The following ASTN1 variants were observed in gnomAD, a reference collection of about 807,000 sequenced individuals.
The protein encoded by ASTN1 is astrotactin 1.
ASTN1 carries 41 observed loss-of-function variants against 140.7 expected under a neutral mutation model. That is an observed-to-expected ratio of 0.29 (90% confidence interval 0.23 to 0.38). The LOEUF (loss-of-function observed/expected upper bound fraction) is 0.38, where lower values mean the gene tolerates loss of function less well. ASTN1 is among the 10% of genes least tolerant of loss of function. The probability of loss-of-function intolerance (pLI) is 1.00; values close to 1 mark genes in which losing one functional copy is unlikely to be tolerated. For synonymous variants in ASTN1, 640 were observed against 652.2 expected (o/e 0.98, Z 0.29); for missense variants, 1,479 against 1,678.8 (o/e 0.88, Z 2.08).
At chr1:176,967,351 A>C (rs536564969) in intron 8 of ASTN1, among the ~76,000 whole-genome samples, 12 of 152,320 alleles carry the variant, frequency 7.9e-5, no homozygotes, top group South Asian at 2.1e-4. Context: ...ACAGCTAAAA[A>C]TATCTGTTAA....
At chr1:177,116,404 C>G (rs1681094195) in intron 1 of ASTN1, among the ~76,000 whole-genome samples, 1 of 152,110 alleles carries the variant, frequency 6.6e-6, no homozygotes, top group South Asian at 2.1e-4. Context: ...AATCGAAATA[C>G]TTTTTCTATA....
chr1:177,075,440 A>T (rs1678846631), intron 1 of ASTN1, among the ~76,000 whole-genome samples: 1 of 137,784 alleles, frequency 7.3e-6, no homozygotes. Context: ...AAAAAAAAAA[A>T]TACTAAGTAG....
At chr1:177,057,625 A>G (rs1185383719) in intron 2 of ASTN1, among the ~76,000 whole-genome samples, 1 of 152,204 alleles carries the variant, frequency 6.6e-6, no homozygotes, top group African/African-American at 2.4e-5. Context: ...GGTTGGATGT[A>G]TTCATGTTTC....
At chr1:177,049,812 A>T (rs1309401432) in intron 2 of ASTN1, among the ~76,000 whole-genome samples, 2 of 152,142 alleles carry the variant, frequency 1.3e-5, no homozygotes, top group African/African-American at 4.8e-5. Flanking sequence ...TCCGAACCCA[A>T]GGTGGAGTCC....
chr1:177,096,786 T>G (rs1680046312), intron 1 of ASTN1, among the ~76,000 whole-genome samples: 1 of 152,196 alleles, frequency 6.6e-6, no homozygotes, highest in Non-Finnish European at 1.5e-5. Context: ...CTTGTGGAAC[T>G]GTAAGTCCAT....
At chr1:177,138,322 G>A (rs974643749) in intron 1 of ASTN1, among the ~76,000 whole-genome samples, 1 of 152,144 alleles carries the variant, frequency 6.6e-6, no homozygotes, top group Non-Finnish European at 1.5e-5. Flanking sequence ...GACATAAAAG[G>A]CCTACAATAT....
intron 8 of ASTN1, among the ~76,000 whole-genome samples, chr1:176,970,738 G>GTA (rs1361422825): frequency 1.3e-5 from 2 of 149,684 alleles, no homozygotes; most frequent in Non-Finnish European, 3.0e-5. Flanking sequence ...ATGGGTGTGT[G>GTA]TGTGTGTGTG....
rs150630695 is a variant in ASTN1 at position 176,977,608 on chromosome 1, A to G, written c.1524-12371T>C. ...TTTGATGATTGAACAAGTAAAAGCT[A>G]TTACTTTTTATGCATTTATACTAGT... On this transcript the variant is annotated intron_variant, in intron 8 of 22. Transcript: ENST00000361833. Among the ~76,000 whole-genome samples, 33 of 152,358 alleles carry G rather than the reference A, an allele frequency of 2.2e-4. No homozygotes were observed. The East Asian group carries it at 5.8e-3, about 27-fold the overall frequency.
intron 14 of ASTN1, among the ~76,000 whole-genome samples, chr1:176,939,256 G>A (rs1202226294): frequency 2.6e-5 from 4 of 152,042 alleles, no homozygotes; most frequent in Non-Finnish European, 4.4e-5. Context: ...TTCTTAATTG[G>A]TGCTTTTGTT....
At chr1:176,876,490 A>G (rs1046782384) in intron 21 of ASTN1, 47 bp downstream of exon 21, 15 of 1,590,554 alleles carry the variant, frequency 9.4e-6, no homozygotes, top group African/African-American at 1.3e-5. Flanking sequence ...AGTGGTGGGT[A>G]CCTGGGGCAT....
At chr1:176,950,730 G>A (rs963712631) in intron 11 of ASTN1, among the ~76,000 whole-genome samples, 1 of 152,060 alleles carries the variant, frequency 6.6e-6, no homozygotes, top group Non-Finnish European at 1.5e-5. Context: ...GAGTCGGGCA[G>A]AACTGGGGGT....
chr1:176,950,004 C>A (rs1173718078), intron 11 of ASTN1, among the ~76,000 whole-genome samples: 1 of 152,204 alleles, frequency 6.6e-6, no homozygotes, highest in Admixed American at 6.5e-5. Context: ...ACAGGTGCTG[C>A]ACTTGGATTT....
chr1:177,030,978 A>T, intron 3 of ASTN1, 26 bp from the exon 4 acceptor site: 2 of 1,600,004 alleles, frequency 1.3e-6, no homozygotes, highest in South Asian at 2.2e-5. Context: ...ACGAGGCAAA[A>T]ACTTTAAGAG....
chr1:176,931,633 C>T (rs1434018879), intron 16 of ASTN1, among the ~76,000 whole-genome samples: 1 of 152,166 alleles, frequency 6.6e-6, no homozygotes, highest in African/African-American at 2.4e-5. Context: ...TGGCCCAAAA[C>T]ACTCATCTCT....
chr1:177,045,686 G>C (rs1335951272), intron 2 of ASTN1, among the ~76,000 whole-genome samples: 1 of 152,106 alleles, frequency 6.6e-6, no homozygotes, highest in Non-Finnish European at 1.5e-5. Context: ...CCTACCTTTT[G>C]GTGTCTTTAG....
At chr1:176,916,278 A>G (rs1307086823) in intron 16 of ASTN1, among the ~76,000 whole-genome samples, 1 of 152,198 alleles carries the variant, frequency 6.6e-6, no homozygotes, top group Admixed American at 6.5e-5. Context: ...CCTCCCTTAT[A>G]TCTCAGGAAG....
At chr1:177,073,632 T>A (rs961494673) in intron 1 of ASTN1, among the ~76,000 whole-genome samples, 1 of 149,294 alleles carries the variant, frequency 6.7e-6, no homozygotes, top group Non-Finnish European at 1.5e-5. Context: ...TACTTCCTAC[T>A]GATTATTACA....
chr1:176,887,625 G>C (rs1218367204), intron 18 of ASTN1, among the ~76,000 whole-genome samples: 1 of 152,030 alleles, frequency 6.6e-6, no homozygotes, highest in East Asian at 1.9e-4. Context: ...GTATCTAACT[G>C]CTCCATACAA....
At chr1:177,140,526 G>A (rs1682416063) in intron 1 of ASTN1, among the ~76,000 whole-genome samples, 2 of 151,822 alleles carry the variant, frequency 1.3e-5, no homozygotes, top group Admixed American at 6.6e-5. Context: ...AGAAAATTTT[G>A]AAAAAAAGCC....
Sources: gnomAD v4.1 joint callset for allele counts (sites outside exome capture counted in the v4.1 genomes callset) on GRCh38, gnomAD v4.1.1 for gene constraint, MANE v1.5 for transcripts, NCBI Gene and HGNC (gene_info 2026-07-23, HGNC 2026-07-21) for gene names.